Variants in TSNARE1 observed in about 807,000 individuals in gnomAD.
TSNARE1 encodes the protein t-SNARE domain containing 1, also known as t-SNARE domain-containing protein 1.
A neutral mutation model predicts 62.0 loss-of-function variants in TSNARE1; 49 were observed. The ratio of observed to expected loss-of-function variants is 0.79; its 90% CI spans 0.63 to 1.00. TSNARE1 has a LOEUF of 1.00. Ranked by LOEUF, TSNARE1 falls within the 50% of genes least tolerant of loss-of-function variation. The probability of loss-of-function intolerance (pLI) is 0.00; values close to 1 mark genes in which losing one functional copy is unlikely to be tolerated. For synonymous variants in TSNARE1, 328 were observed against 294.4 expected, an observed-to-expected ratio of 1.11 and a Z score of -1.17; for missense variants, 755 against 700.1, an observed-to-expected ratio of 1.08 and a Z score of -0.88.
chr8:142,237,531 G>A (rs1321066880), intron 12 of TSNARE1, among the ~76,000 whole-genome samples: 3 of 152,168 alleles, frequency 2.0e-5, no homozygotes, highest in African/African-American at 7.2e-5. Flanking sequence ...GAACCACCCG[G>A]GCCCTCCCCT....
intron 4 of TSNARE1, among the ~76,000 whole-genome samples, chr8:142,335,702 C>T (rs550521962): frequency 2.0e-5 from 3 of 152,332 alleles, no homozygotes; most frequent in South Asian, 2.1e-4. Context: ...GAAGGCCTTA[C>T]ACTTAATGAT....
At chr8:142,361,421 G>C (rs1474968987) in intron 1 of TSNARE1, among the ~76,000 whole-genome samples, 13 of 152,184 alleles carry the variant, frequency 8.5e-5, no homozygotes, top group Non-Finnish European at 1.9e-4. Context: ...GGGCTGAGCC[G>C]CCAACCAGGA....
At chr8:142,217,961 AGT>A (rs1379981459) in intron 13 of TSNARE1, among the ~76,000 whole-genome samples, 2 of 113,180 alleles carry the variant, frequency 1.8e-5, no homozygotes, top group Non-Finnish European at 3.7e-5. Flanking sequence ...ATCAGGGCTC[AGT>A]GTGTGACCAG....
intron 7 of TSNARE1, 89 bp from the exon 8 acceptor site, chr8:142,315,181 C>T: frequency 2.3e-6 from 3 of 1,278,434 alleles, no homozygotes; most frequent in Non-Finnish European, 3.3e-6. Flanking sequence ...GTACCGATGT[C>T]CCACCTTCCC....
At position 142,308,242 on chromosome 8, in the gene TSNARE1, G is replaced by A. The variant is rs185298847; in HGVS notation, c.1131+6142C>T. 4.3e-3 allele frequency among the ~76,000 whole-genome samples: 647 copies of A among 152,228 alleles called. 5 individuals carry two copies. The highest frequency in any genetic ancestry group is 0.01 in the Middle Eastern group (3 of 294). ...AAAGTGTGTCGACCTTCTCCTTTGCGGTTGGCACTTGTGCGTCTGTGTAAG... is the reference window on the plus strand; with the variant it reads ...AAAGTGTGTCGACCTTCTCCTTTGCAGTTGGCACTTGTGCGTCTGTGTAAG... On this transcript the variant is annotated intron_variant, in intron 9 of 13. Transcript: ENST00000524325.
intron 12 of TSNARE1, among the ~76,000 whole-genome samples, chr8:142,253,202 G>A (rs945950078): frequency 6.6e-6 from 1 of 152,234 alleles, no homozygotes; most frequent in Non-Finnish European, 1.5e-5. Context: ...ACGGGTACGG[G>A]AGGAGGGCCG....
chr8:142,316,847 G>A (rs1006662408), intron 7 of TSNARE1, among the ~76,000 whole-genome samples: 4 of 151,900 alleles, frequency 2.6e-5, no homozygotes, highest in Non-Finnish European at 1.5e-5. Context: ...CACCCAACAC[G>A]GCACTGGCCA....
chr8:142,392,784 T>C (rs895102790), intron 1 of TSNARE1, among the ~76,000 whole-genome samples: 10 of 151,848 alleles, frequency 6.6e-5, no homozygotes, highest in Admixed American at 2.6e-4. Context: ...CTACTAAAAA[T>C]ACAAAATTAG....
intron 12 of TSNARE1, among the ~76,000 whole-genome samples, chr8:142,232,617 G>A (rs1473078265): frequency 3.3e-5 from 5 of 152,298 alleles, no homozygotes; most frequent in East Asian, 1.9e-4. Context: ...GGGAAAGGAC[G>A]CCCAGGGACA....
In TSNARE1 at chr8:142,229,536, A is replaced by G; in HGVS notation, c.1490T>C (p.Val497Ala). The change falls in exon 13 of 14, where the codon GTC (valine) becomes GCC (alanine). Residue 497 changes from valine to alanine, a missense_variant. Physicochemically the swap from Val to Ala is moderately conservative, Grantham distance 64. Coordinates refer to ENST00000524325, the MANE Select transcript of TSNARE1 (RefSeq NM_145003.5). The part of the protein sequence containing the change: ...KIKCCFLSAG[V>A]TALLVIIIII... ...GATGATGATGACAAGCAGGGCAGTG[A>G]CTCCAGCTGATAGGAAGCAGCACTT... The G allele has an allele frequency of 6.2e-7, 1 of 1,613,986 alleles. No homozygotes were observed.
At chr8:142,383,913 A>G (rs1182336369) in intron 1 of TSNARE1, among the ~76,000 whole-genome samples, 1 of 152,202 alleles carries the variant, frequency 6.6e-6, no homozygotes. Context: ...TACAATCTAT[A>G]GGCCCTAAAG....
chr8:142,277,515 C>A, intron 11 of TSNARE1: 3 of 985,472 alleles, frequency 3.0e-6, no homozygotes, highest in Non-Finnish European at 3.6e-6. Flanking sequence ...CGGCTCGGGG[C>A]AACTGGGCCT....
chr8:142,378,558 T>C (rs964901493), intron 1 of TSNARE1, among the ~76,000 whole-genome samples: 2 of 152,110 alleles, frequency 1.3e-5, no homozygotes, highest in East Asian at 1.9e-4. Context: ...GAGAGTAAAG[T>C]TCTCCCAGAT....
intron 1 of TSNARE1, among the ~76,000 whole-genome samples, chr8:142,393,995 G>A (rs570712621): frequency 2.0e-4 from 30 of 152,212 alleles, no homozygotes; most frequent in Non-Finnish European, 4.1e-4. Flanking sequence ...AAACCTGAGG[G>A]ATGTTCATTA....
intron 1 of TSNARE1, among the ~76,000 whole-genome samples, chr8:142,386,846 A>G (rs529505903): frequency 5.3e-5 from 8 of 152,366 alleles, no homozygotes; most frequent in Admixed American, 3.9e-4. Flanking sequence ...AGAAACAGAC[A>G]GAAACATATC....
At chr8:142,216,162 C>G (rs1041249525) in intron 13 of TSNARE1, among the ~76,000 whole-genome samples, 2 of 152,206 alleles carry the variant, frequency 1.3e-5, no homozygotes, top group African/African-American at 4.8e-5. Context: ...CTAGCTGGGT[C>G]TCTTCACCCC....
intron 4 of TSNARE1, among the ~76,000 whole-genome samples, chr8:142,342,264 T>C (rs1186637253): frequency 2.6e-5 from 4 of 152,252 alleles, no homozygotes; most frequent in African/African-American, 7.2e-5. Flanking sequence ...TGCTACCTCA[T>C]CCTGCAGCTG....
At chr8:142,270,793 T>G in intron 12 of TSNARE1, 1 of 985,402 alleles carries the variant, frequency 1.0e-6, no homozygotes, top group South Asian at 4.7e-5. Context: ...TGCTGCCACA[T>G]GGGGTTGGAG....
intron 12 of TSNARE1, among the ~76,000 whole-genome samples, chr8:142,236,570 C>G (rs1817435901): frequency 6.6e-6 from 1 of 151,804 alleles, no homozygotes; most frequent in South Asian, 2.1e-4. Flanking sequence ...CCCAGGCCTC[C>G]TTACACTGGA....
Sources: allele counts gnomAD v4.1 joint callset (sites outside exome capture counted in the v4.1 genomes callset), GRCh38; gene constraint gnomAD v4.1.1; transcripts MANE v1.5; gene names NCBI Gene and HGNC (gene_info 2026-07-23, HGNC 2026-07-21).